The following SRRM4 variants were observed in gnomAD, a reference collection of about 807,000 sequenced individuals.
The protein encoded by SRRM4 is serine/arginine repetitive matrix 4.
A neutral mutation model predicts 68.9 loss-of-function variants in SRRM4; 33 were observed. The observed-to-expected ratio is 0.48, with a 90% CI of 0.36 to 0.64. The LOEUF is 0.64. SRRM4 is among the 30% of genes least tolerant of loss of function. SRRM4 has a pLI of 0.00. For missense variants in SRRM4, 817 were observed against 827.1 expected, an observed-to-expected ratio of 0.99 and a Z score of 0.15; for synonymous variants, 318 against 318.8, an observed-to-expected ratio of 1.00 and a Z score of 0.03.
At position 119,154,046 on chromosome 12, in the gene SRRM4, C is replaced by A. The variant is rs925058240; in HGVS notation, c.1392-197C>A. Among the ~76,000 whole-genome samples, 5 of 151,748 alleles carry A rather than the reference C, an allele frequency of 3.3e-5. No homozygotes were observed. The highest frequency in any genetic ancestry group is 1.2e-4 in the African/African-American group (5 of 41,330). Reference sequence around the variant, plus strand: ...CACCCCTGCACAAGCCCAGCCCCCACCCCTACGGTACTAACAACCCTCGCA... The same window carrying A: ...CACCCCTGCACAAGCCCAGCCCCCAACCCTACGGTACTAACAACCCTCGCA... On this transcript the variant is annotated intron_variant, in intron 11 of 12. Coordinates refer to ENST00000267260, the MANE Select transcript of SRRM4 (RefSeq NM_194286.4). This position sits in a 1 kb window ranked among gnomAD's most constrained non-coding sequence, Gnocchi z 4.7.
intron 1 of SRRM4, among the ~76,000 whole-genome samples, chr12:119,015,004 A>G (rs748447269): frequency 3.3e-5 from 5 of 152,230 alleles, no homozygotes; most frequent in Non-Finnish European, 7.3e-5. Flanking sequence ...TAAGTATCCA[A>G]CAAAAGGGGA....
In SRRM4 at chr12:119,029,592, G is replaced by T. The variant is rs76981198; in HGVS notation, c.131+47579G>T. On this transcript the variant is annotated intron_variant, in intron 1 of 12. Transcript: ENST00000267260. ...AACAGAAGTGATCCTTGTCTTTCTG[G>T]TTGGCCTAAATCCATCTTGTTACAA... Among the ~76,000 whole-genome samples, 1,179 of 152,240 alleles carry T rather than the reference G, an allele frequency of 7.7e-3. 25 individuals carry two copies. Among genetic ancestry groups the T allele is most frequent in the African/African-American group, 0.027 (1,106 of 41,526 alleles).
At chr12:119,037,366 G>C (rs1196244798) in intron 1 of SRRM4, among the ~76,000 whole-genome samples, 1 of 152,158 alleles carries the variant, frequency 6.6e-6, no homozygotes, top group Non-Finnish European at 1.5e-5. Context: ...GGGCCTTGTG[G>C]GTGGAGCTGG....
chr12:118,996,667 T>C (rs1422702424), intron 1 of SRRM4, among the ~76,000 whole-genome samples: 2 of 152,216 alleles, frequency 1.3e-5, no homozygotes, highest in Admixed American at 6.5e-5. Context: ...CTCAACTCTG[T>C]GTAATAGGTA....
At chr12:119,007,413 T>C (rs1252896592) in intron 1 of SRRM4, among the ~76,000 whole-genome samples, 1 of 152,222 alleles carries the variant, frequency 6.6e-6, no homozygotes, top group Non-Finnish European at 1.5e-5. Flanking sequence ...CTCTCTTTTT[T>C]CTCATCTCTC....
At chr12:119,049,812 C>T (rs1257983363) in intron 1 of SRRM4, among the ~76,000 whole-genome samples, 2 of 152,180 alleles carry the variant, frequency 1.3e-5, no homozygotes, top group Admixed American at 6.5e-5. Flanking sequence ...TAGGTCTTTA[C>T]ATCATCTTCT....
At chr12:118,991,897 A>T (rs987828247) in intron 1 of SRRM4, 3 of 152,214 alleles carry the variant, frequency 2.0e-5, no homozygotes, top group Admixed American at 2.0e-4. Flanking sequence ...AAACTCAGAG[A>T]TCTACAGAGG....
chr12:119,076,151 AATG>A (rs201911456), intron 1 of SRRM4, among the ~76,000 whole-genome samples: 15 of 113,890 alleles, frequency 1.3e-4, no homozygotes, highest in East Asian at 1.2e-3. Flanking sequence ...CAATGGGAAT[AATG>A]ATGATGATGA....
At chr12:119,101,207 A>T (rs1280582311) in intron 1 of SRRM4, among the ~76,000 whole-genome samples, 1 of 152,092 alleles carries the variant, frequency 6.6e-6, no homozygotes, top group Non-Finnish European at 1.5e-5. Flanking sequence ...GCAGGGAGGG[A>T]TGTTCTCTGC....
chr12:119,004,464 G>A (rs919406360), intron 1 of SRRM4, among the ~76,000 whole-genome samples: 2 of 152,116 alleles, frequency 1.3e-5, no homozygotes, highest in South Asian at 4.2e-4. Context: ...GCTCCTGAGA[G>A]GGGGAGGGGA....
chr12:119,133,415 G>A (rs1387105486), intron 8 of SRRM4, among the ~76,000 whole-genome samples: 1 of 152,100 alleles, frequency 6.6e-6, no homozygotes, highest in Admixed American at 6.6e-5. Context: ...ATTGTTCCAG[G>A]CATAGGCTGG....
intron 1 of SRRM4, among the ~76,000 whole-genome samples, chr12:119,059,407 C>T (rs189687681): frequency 1.3e-5 from 2 of 152,166 alleles, no homozygotes; most frequent in East Asian, 3.9e-4. Flanking sequence ...GCACATTTAT[C>T]AAGGACTTGG....
intron 1 of SRRM4, among the ~76,000 whole-genome samples, chr12:119,005,477 A>C (rs911610773): frequency 6.6e-6 from 1 of 152,062 alleles, no homozygotes; most frequent in African/African-American, 2.4e-5. Context: ...GGATTTTCTT[A>C]ATCGCTCCCT....
rs202238669 is a variant in SRRM4, at chr12:119,108,646, G to GTTT, written c.279-5624_279-5622dup. Among the ~76,000 whole-genome samples the GTTT allele has an allele frequency of 7.2e-3, 986 of 136,226 alleles. 9 individuals carry two copies. The highest frequency in any genetic ancestry group is 0.025 in the African/African-American group (917 of 36,782). The allele number at this position is 136,226 out of a possible 152,430, so 89.4% of individuals were successfully genotyped here. ...GAGACTAGGATTGCAACCCCTGTTT[G>GTTT]TTTTTTTTTTGTTTTCCATTTGCTT... On this transcript the variant is annotated intron_variant, in intron 2 of 12. Coordinates refer to ENST00000267260, the MANE Select transcript of SRRM4 (RefSeq NM_194286.4).
At chr12:119,125,041 C>T (rs539335517) in intron 6 of SRRM4, among the ~76,000 whole-genome samples, 26 of 152,224 alleles carry the variant, frequency 1.7e-4, no homozygotes, top group Middle Eastern at 3.4e-3. Context: ...AGCTCTGTGA[C>T]GTTGAGGCGC....
rs778589597 is a variant in SRRM4, at chr12:119,145,471, G to T, written c.862G>T (p.Gly288Ter). The change falls in exon 9 of 13, where the codon GGA becomes TGA. Residue 288 changes from glycine (G) to a stop codon, truncating the protein, a stop_gained. Transcript: ENST00000267260. LOFTEE classifies it high-confidence loss of function. ...AGGACGTTCCCAGGAGTACGACTCA[G>T]GAAATGACACGTCCTCGCCACCCTC... The part of the protein sequence containing the change: ...SRGRSQEYDS[G>*]NDTSSPPSTQ... 6.2e-7 allele frequency: 1 copy of T among 1,610,800 alleles called. No individual in the cohort carries two copies. The highest frequency in any genetic ancestry group is 8.5e-7 in the Non-Finnish European group (1 of 1,178,684).
chr12:119,120,506 G>A (rs887092880), intron 5 of SRRM4, among the ~76,000 whole-genome samples: 15 of 135,808 alleles, frequency 1.1e-4, no homozygotes, highest in African/African-American at 2.3e-4. Context: ...CAGCCCTATC[G>A]ATGTCTCGAC....
At chr12:119,071,615 C>T (rs985414947) in intron 1 of SRRM4, among the ~76,000 whole-genome samples, 1 of 152,190 alleles carries the variant, frequency 6.6e-6, no homozygotes, top group East Asian at 1.9e-4. Context: ...AGACACAAGA[C>T]ACTTTGTCAC....
chr12:119,123,201 G>A (rs997612092), intron 6 of SRRM4, among the ~76,000 whole-genome samples: 5 of 152,242 alleles, frequency 3.3e-5, no homozygotes, highest in Middle Eastern at 3.4e-3. Context: ...TGCCCCAAAC[G>A]GTCTTTTCAC....
Sources: gnomAD v4.1 joint callset for allele counts (sites outside exome capture counted in the v4.1 genomes callset) on GRCh38, gnomAD v4.1.1 for gene constraint, Gnocchi (gnomAD v3.1) non-coding constraint, MANE v1.5 for transcripts, NCBI Gene and HGNC (gene_info 2026-07-23, HGNC 2026-07-21) for gene names.